The following SUCLG2 variants were observed in gnomAD, a reference collection of about 807,000 sequenced individuals.
SUCLG2 encodes the protein succinate--CoA ligase [GDP-forming] subunit beta, mitochondrial.
SUCLG2 carries 42 observed loss-of-function variants against 47.9 expected under a neutral mutation model. That is an observed-to-expected ratio of 0.88 (90% CI 0.69 to 1.14). The LOEUF (loss-of-function observed/expected upper bound fraction) is 1.14. Ranked by LOEUF, SUCLG2 falls within the 50% of genes most tolerant of loss-of-function variation. SUCLG2 has a pLI of 0.00. For synonymous variants in SUCLG2, 195 were observed against 197.3 expected, an observed-to-expected ratio of 0.99 and a Z score of 0.10; for missense variants, 571 against 525.9, an observed-to-expected ratio of 1.09 and a Z score of -0.84.
At chr3:67,600,019 G>A (rs1021045546) in intron 2 of SUCLG2, among the ~76,000 whole-genome samples, 1 of 152,204 alleles carries the variant, frequency 6.6e-6, no homozygotes, top group African/African-American at 2.4e-5. Flanking sequence ...GGGGAATAGT[G>A]TAGCATCTTA....
intron 9 of SUCLG2, among the ~76,000 whole-genome samples, chr3:67,467,784 C>A (rs1433635237): frequency 6.6e-6 from 1 of 151,744 alleles, no homozygotes; most frequent in Non-Finnish European, 1.5e-5. Flanking sequence ...ATTAATATAC[C>A]CATTTCACAG....
chr3:67,402,388 T>A (rs944650140), intron 9 of SUCLG2, among the ~76,000 whole-genome samples: 1 of 152,114 alleles, frequency 6.6e-6, no homozygotes, highest in Non-Finnish European at 1.5e-5. Context: ...TTATTGAAAT[T>A]CAACAAAAAG....
intron 9 of SUCLG2, among the ~76,000 whole-genome samples, chr3:67,464,684 A>G (rs1704427148): frequency 6.6e-6 from 1 of 152,250 alleles, no homozygotes; most frequent in South Asian, 2.1e-4. Context: ...ATTCTTATTA[A>G]TCACATTTAG....
intron 2 of SUCLG2, among the ~76,000 whole-genome samples, chr3:67,574,072 C>A (rs953940998): frequency 6.6e-6 from 1 of 152,136 alleles, no homozygotes; most frequent in Non-Finnish European, 1.5e-5. Flanking sequence ...TGGCTAGTGG[C>A]CCCCTTCCAC....
intron 9 of SUCLG2, among the ~76,000 whole-genome samples, chr3:67,431,568 T>C (rs1359795404): frequency 2.0e-5 from 3 of 151,876 alleles, no homozygotes; most frequent in Non-Finnish European, 4.4e-5. Flanking sequence ...ATAAAAAAGG[T>C]TGAGTTCATG....
intron 2 of SUCLG2, among the ~76,000 whole-genome samples, chr3:67,567,065 T>G (rs980824628): frequency 7.9e-5 from 12 of 151,928 alleles, no homozygotes; most frequent in African/African-American, 2.9e-4. Flanking sequence ...GTGCCTGTGG[T>G]CCCAGCTACT....
At position 67,443,386 on chromosome 3, in the gene SUCLG2, C is replaced by T. The variant is rs1321871294; in HGVS notation, c.1063-42535G>A. Among the ~76,000 whole-genome samples the T allele has an allele frequency of 2.2e-4, 14 of 63,782 alleles. 5 individuals are homozygous for T. Among genetic ancestry groups the T allele is most frequent in the African/African-American group, 8.0e-4 (14 of 17,476 alleles). The allele number at this position is 63,782 out of a possible 152,430, so 41.8% of individuals were successfully genotyped here. A position where few individuals can be genotyped will look rare whatever the true frequency, so the allele number is the denominator to read the frequency against. ...GGGAGGCAGCGGCTGGAGGAGCGGA[C>T]GGGCCCCGCGGGGCCCGAGGGCAAG... On this transcript the variant is annotated intron_variant, in intron 9 of 10. Transcript: ENST00000307227.
intron 9 of SUCLG2, chr3:67,408,603 G>C: frequency 3.0e-6 from 3 of 996,602 alleles, no homozygotes; most frequent in Non-Finnish European, 3.6e-6. Flanking sequence ...GGGGAACCTA[G>C]GGAAATGGGT....
intron 10 of SUCLG2, among the ~76,000 whole-genome samples, chr3:67,399,430 A>T (rs1702633497): frequency 6.6e-6 from 1 of 152,232 alleles, no homozygotes; most frequent in Non-Finnish European, 1.5e-5. Context: ...TAGCTGGCAG[A>T]CATTTTCTTA....
Position 67,384,467 on chromosome 3 carries a change from T to C in SUCLG2, c.1184-8608A>G, listed in dbSNP as rs986920650. ...GTCTACTGCTGCTTCAACACTACAA[T>C]GGCAGAGCTGAGTAATCACAACAGG... On this transcript the variant is annotated intron_variant, in intron 10 of 10. Coordinates refer to ENST00000307227, the MANE Select transcript of SUCLG2 (RefSeq NM_003848.4). Among the ~76,000 whole-genome samples, 11 of 152,174 alleles carry C rather than the reference T, an allele frequency of 7.2e-5. No individual in the cohort carries two copies. In the South Asian group the frequency reaches 1.7e-3, roughly 23 times the overall value.
chr3:67,548,723 A>G (rs1490695027), intron 2 of SUCLG2, among the ~76,000 whole-genome samples: 1 of 152,220 alleles, frequency 6.6e-6, no homozygotes, highest in Non-Finnish European at 1.5e-5. Context: ...CTTAGGACAA[A>G]TGAGCGAAAA....
intron 2 of SUCLG2, among the ~76,000 whole-genome samples, chr3:67,606,987 A>C (rs6784719): frequency 6.6e-6 from 1 of 152,130 alleles, no homozygotes; most frequent in Admixed American, 6.5e-5. Flanking sequence ...ATTACTAGCT[A>C]AAGTACCTGC....
At chr3:67,465,474 A>G (rs1704447236) in intron 9 of SUCLG2, among the ~76,000 whole-genome samples, 1 of 152,132 alleles carries the variant, frequency 6.6e-6, no homozygotes, top group African/African-American at 2.4e-5. Flanking sequence ...ACCTCCTCAG[A>G]GAATCCCTCT....
At chr3:67,638,276 G>C (rs1164658412) in intron 1 of SUCLG2, among the ~76,000 whole-genome samples, 1 of 152,170 alleles carries the variant, frequency 6.6e-6, no homozygotes, top group African/African-American at 2.4e-5. Flanking sequence ...GTGTCAAAGA[G>C]AAAATGCCAT....
intron 1 of SUCLG2, among the ~76,000 whole-genome samples, chr3:67,618,083 A>C (rs1399540786): frequency 6.6e-6 from 1 of 152,196 alleles, no homozygotes; most frequent in Non-Finnish European, 1.5e-5. Context: ...GTAATTTGCA[A>C]AAGGAAGAAC....
chr3:67,421,534 T>C lies in SUCLG2; in HGVS notation c.1063-20683A>G, dbSNP rs562412738. 2.0e-5 allele frequency among the ~76,000 whole-genome samples: 3 copies of C among 152,324 alleles called. No individual in the cohort carries two copies. In the East Asian group the frequency reaches 5.8e-4, roughly 29 times the overall value. On this transcript the variant is annotated intron_variant, in intron 9 of 10. Coordinates refer to ENST00000307227, the MANE Select transcript of SUCLG2 (RefSeq NM_003848.4). ...AATAACATCACCTGTTAGAAAATCCTTGAGAAACATTTCTGCACAAACATA... is the reference window on the plus strand; with the variant it reads ...AATAACATCACCTGTTAGAAAATCCCTGAGAAACATTTCTGCACAAACATA...
intron 2 of SUCLG2, among the ~76,000 whole-genome samples, chr3:67,536,613 A>G (rs1372198120): frequency 1.5e-4 from 23 of 152,234 alleles, no homozygotes; most frequent in Non-Finnish European, 2.8e-4. Context: ...ATCATCCATC[A>G]GGAACCCTTC....
intron 2 of SUCLG2, among the ~76,000 whole-genome samples, chr3:67,566,910 C>T (rs1707465390): frequency 6.6e-6 from 1 of 152,162 alleles, no homozygotes; most frequent in African/African-American, 2.4e-5. Context: ...AAAGACTGGG[C>T]ATGGTGGCAC....
intron 2 of SUCLG2, among the ~76,000 whole-genome samples, chr3:67,546,726 C>A (rs1458086637): frequency 2.6e-5 from 4 of 152,070 alleles, no homozygotes; most frequent in Non-Finnish European, 5.9e-5. Flanking sequence ...CAGAGTAAGA[C>A]TCTGTCTCAA....
Sources: gnomAD v4.1 joint callset for allele counts (sites outside exome capture counted in the v4.1 genomes callset) on GRCh38, gnomAD v4.1.1 for gene constraint, MANE v1.5 for transcripts, NCBI Gene and HGNC (gene_info 2026-07-23, HGNC 2026-07-21) for gene names.